The following CACNA2D3 variants were observed in gnomAD, a reference collection of about 807,000 sequenced individuals.
CACNA2D3 encodes voltage-dependent calcium channel subunit alpha-2/delta-3.
Under a neutral mutation model 160.6 loss-of-function variants are expected in CACNA2D3, and 60 were observed. The observed-to-expected ratio is 0.37, with a 90% CI of 0.30 to 0.46. CACNA2D3 has a LOEUF of 0.46. CACNA2D3 is among the 20% of genes least tolerant of loss of function. The pLI is 1.00. For missense variants in CACNA2D3, 1,205 were observed against 1,365.0 expected, an observed-to-expected ratio of 0.88 and a Z score of 1.85; for synonymous variants, 558 against 492.9, an observed-to-expected ratio of 1.13 and a Z score of -1.75.
At chr3:54,320,660 C>T (rs1222567682) in intron 3 of CACNA2D3, 102 bp downstream of exon 3, 8 of 575,732 alleles carry the variant, frequency 1.4e-5, no homozygotes, top group East Asian at 3.2e-5. Context: ...AGTTGACTCA[C>T]GCATCTATTA....
chr3:54,130,938 C>G (rs1699693402), intron 2 of CACNA2D3, among the ~76,000 whole-genome samples: 1 of 152,210 alleles, frequency 6.6e-6, no homozygotes, highest in South Asian at 2.1e-4. Flanking sequence ...TGTAGTTTAA[C>G]ATTTCTGAAC....
chr3:54,393,459 T>C (rs1455116959), intron 4 of CACNA2D3, among the ~76,000 whole-genome samples: 2 of 152,166 alleles, frequency 1.3e-5, no homozygotes, highest in African/African-American at 4.8e-5. Flanking sequence ...CCCTGAGGCT[T>C]TGTTGCCACT....
intron 3 of CACNA2D3, among the ~76,000 whole-genome samples, chr3:54,358,319 C>T (rs1698683611): frequency 6.6e-6 from 1 of 152,178 alleles, no homozygotes; most frequent in Non-Finnish European, 1.5e-5. Context: ...TGTCTTAATG[C>T]AGAATTCATC....
At chr3:54,821,831 C>T (rs573986313) in intron 14 of CACNA2D3, among the ~76,000 whole-genome samples, 1 of 151,756 alleles carries the variant, frequency 6.6e-6, no homozygotes, top group African/African-American at 2.4e-5. Flanking sequence ...TCAGCAATTG[C>T]GAGGCATCAT....
chr3:54,925,316 G>T, intron 27 of CACNA2D3: 1 of 967,750 alleles, frequency 1.0e-6, no homozygotes, highest in East Asian at 2.4e-5. Flanking sequence ...TTTCCAGCCA[G>T]GTGAAACCTT....
chr3:55,052,561 G>T (rs534772644), intron 35 of CACNA2D3, among the ~76,000 whole-genome samples: 62 of 151,880 alleles, frequency 4.1e-4, no homozygotes, highest in Admixed American at 7.9e-4. Flanking sequence ...TACTTTTTCT[G>T]TTCATTACCA....
At chr3:55,028,229 A>G (rs1205112285) in intron 35 of CACNA2D3, among the ~76,000 whole-genome samples, 1 of 152,230 alleles carries the variant, frequency 6.6e-6, no homozygotes, top group African/African-American at 2.4e-5. Context: ...TTGTATGTCT[A>G]TAGCATAGAC....
intron 13 of CACNA2D3, among the ~76,000 whole-genome samples, chr3:54,812,527 C>G (rs1051514762): frequency 6.6e-6 from 1 of 152,192 alleles, no homozygotes; most frequent in African/African-American, 2.4e-5. Flanking sequence ...GTTGCACCAT[C>G]CACCTGATAC....
chr3:54,613,778 C>A (rs1324718219), intron 9 of CACNA2D3, among the ~76,000 whole-genome samples: 1 of 152,124 alleles, frequency 6.6e-6, no homozygotes, highest in Non-Finnish European at 1.5e-5. Flanking sequence ...GACTTTGTTA[C>A]AATTATTTGT....
At chr3:54,319,138 A>G (rs1317659102) in intron 2 of CACNA2D3, among the ~76,000 whole-genome samples, 1 of 147,758 alleles carries the variant, frequency 6.8e-6, no homozygotes, top group East Asian at 2.0e-4. Context: ...CATTTGAACA[A>G]GGAAGGGAAG....
chr3:54,580,617 C>T (rs1191682653), intron 8 of CACNA2D3, among the ~76,000 whole-genome samples: 1 of 152,178 alleles, frequency 6.6e-6, no homozygotes, highest in East Asian at 1.9e-4. Flanking sequence ...TCAAATGGTC[C>T]TCAGGCACCT....
intron 4 of CACNA2D3, among the ~76,000 whole-genome samples, chr3:54,460,491 A>T (rs922894525): frequency 1.3e-5 from 2 of 152,164 alleles, no homozygotes; most frequent in Non-Finnish European, 2.9e-5. Context: ...GGTCCTTCAC[A>T]TCCCTTCTAA....
intron 11 of CACNA2D3, among the ~76,000 whole-genome samples, chr3:54,690,474 A>G (rs1210831809): frequency 6.6e-6 from 1 of 152,198 alleles, no homozygotes; most frequent in African/African-American, 2.4e-5. Flanking sequence ...AATATTCAAT[A>G]AATATCTGCT....
At chr3:54,900,437 A>G (rs1700300918) in intron 27 of CACNA2D3, among the ~76,000 whole-genome samples, 1 of 152,072 alleles carries the variant, frequency 6.6e-6, no homozygotes, top group South Asian at 2.1e-4. Context: ...CATTTCTCTC[A>G]CTTTTTAGGA....
Position 54,381,969 on chromosome 3 carries a change from G to A in CACNA2D3, c.322-4746G>A, listed in dbSNP as rs117174078. The stretch of plus-strand genomic sequence containing the variant: ...TCGAGCATGTGTATTCCAGTATATT[G>A]TTATCATTTTTATTGAGTAAGGAAA... On this transcript the variant is annotated intron_variant, in intron 3 of 37. Transcript: ENST00000474759. Among the ~76,000 whole-genome samples, 939 of 152,168 alleles carry A rather than the reference G, an allele frequency of 6.2e-3. 21 individuals carry two copies. In the East Asian group the frequency reaches 0.075, roughly 12 times the overall value.
intron 13 of CACNA2D3, among the ~76,000 whole-genome samples, chr3:54,802,931 C>T (rs1317944256): frequency 1.6e-4 from 25 of 152,202 alleles, no homozygotes; most frequent in Non-Finnish European, 4.4e-5. Flanking sequence ...GCCACCACTG[C>T]TGTTACCCAG....
At chr3:54,844,019 A>G (rs191686119) in intron 16 of CACNA2D3, among the ~76,000 whole-genome samples, 152 of 152,286 alleles carry the variant, frequency 1.0e-3, no homozygotes, top group African/African-American at 2.8e-3. Flanking sequence ...AGGCCAGCAC[A>G]TGGATCTGGG....
At chr3:54,533,291 T>TGTACCATG in intron 5 of CACNA2D3, among the ~76,000 whole-genome samples, 1 of 151,892 alleles carries the variant, frequency 6.6e-6, no homozygotes, top group South Asian at 2.1e-4. Context: ...CTAGCTAGGT[T>TGTACCATG]GTACCATGGT....
intron 17 of CACNA2D3, among the ~76,000 whole-genome samples, chr3:54,861,360 G>A (rs1010445728): frequency 2.0e-5 from 3 of 152,128 alleles, no homozygotes; most frequent in Admixed American, 6.5e-5. Flanking sequence ...AGGCAAGAAC[G>A]ATGATGACAT....
Sources: allele counts gnomAD v4.1 joint callset (sites outside exome capture counted in the v4.1 genomes callset), GRCh38; gene constraint gnomAD v4.1.1; transcripts MANE v1.5; gene names NCBI Gene and HGNC (gene_info 2026-07-23, HGNC 2026-07-21).